COLEC12: variants seen among roughly 807,000 people sequenced by gnomAD.
COLEC12 encodes collectin subfamily member 12, also known as collectin-12.
In COLEC12, 33 loss-of-function variants were observed where a neutral mutation model predicts 71.1. The ratio of observed to expected loss-of-function variants is 0.46; its 90% CI spans 0.35 to 0.62. The LOEUF (loss-of-function observed/expected upper bound fraction) is 0.62. Among genes scored for constraint, COLEC12 ranks in the 20% least tolerant of loss-of-function variants. The pLI is 0.00. For synonymous variants in COLEC12, 350 were observed against 353.0 expected (o/e 0.99, Z 0.10); for missense variants, 765 against 916.1 (o/e 0.84, Z 2.13).
At chr18:414,033 C>A (rs1915941724) in intron 2 of COLEC12, among the ~76,000 whole-genome samples, 1 of 152,272 alleles carries the variant, frequency 6.6e-6, no homozygotes, top group South Asian at 2.1e-4. Flanking sequence ...TATGTGGAAT[C>A]TTTGTGATAA....
intron 1 of COLEC12, among the ~76,000 whole-genome samples, chr18:490,192 A>G (rs1043159339): frequency 2.0e-5 from 3 of 152,230 alleles, no homozygotes; most frequent in African/African-American, 7.2e-5. Flanking sequence ...CTGGAGAGAG[A>G]GAATCACTGG....
At chr18:454,404 G>A (rs374757297) in intron 2 of COLEC12, among the ~76,000 whole-genome samples, 4 of 152,276 alleles carry the variant, frequency 2.6e-5, no homozygotes, top group South Asian at 2.1e-4. Flanking sequence ...CTCATCAGCC[G>A]GGCATGGTGG....
At chr18:443,131 T>C (rs910612491) in intron 2 of COLEC12, among the ~76,000 whole-genome samples, 58 of 152,376 alleles carry the variant, frequency 3.8e-4, no homozygotes, top group African/African-American at 1.3e-3. Context: ...CGGAATTATA[T>C]GGTACATGAA....
chr18:426,771 T>C (rs757230327), intron 2 of COLEC12, among the ~76,000 whole-genome samples: 2 of 152,226 alleles, frequency 1.3e-5, no homozygotes, highest in Non-Finnish European at 2.9e-5. Flanking sequence ...CGTGCATTTA[T>C]TTCTTTCAAC....
chr18:379,042 A>C (rs1172189123), intron 2 of COLEC12, among the ~76,000 whole-genome samples: 2 of 152,148 alleles, frequency 1.3e-5, no homozygotes, highest in Non-Finnish European at 2.9e-5. Context: ...TCCCCAACGC[A>C]GGGTGCACTC....
intron 1 of COLEC12, among the ~76,000 whole-genome samples, chr18:488,029 T>G (rs907215483): frequency 1.3e-5 from 2 of 151,688 alleles, no homozygotes; most frequent in Non-Finnish European, 2.9e-5. Flanking sequence ...AATTAATACC[T>G]CAGAAAAAAA....
At chr18:450,635 T>C (rs540882362) in intron 2 of COLEC12, among the ~76,000 whole-genome samples, 24 of 152,328 alleles carry the variant, frequency 1.6e-4, no homozygotes, top group Middle Eastern at 3.4e-3. Context: ...TTCTTTATAG[T>C]AGTGCAAGAA....
chr18:394,229 G>C (rs932671951), intron 2 of COLEC12, among the ~76,000 whole-genome samples: 1 of 152,378 alleles, frequency 6.6e-6, no homozygotes, highest in Non-Finnish European at 1.5e-5. Context: ...CCATAGGACA[G>C]AGGACAGGAG....
At chr18:409,047 G>A (rs527494142) in intron 2 of COLEC12, among the ~76,000 whole-genome samples, 283 of 152,090 alleles carry the variant, frequency 1.9e-3, no homozygotes, top group African/African-American at 6.6e-3. Flanking sequence ...TGTTGGTCAA[G>A]CTGGTCTCAA....
At chr18:468,261 C>A (rs1263377850) in intron 2 of COLEC12, among the ~76,000 whole-genome samples, 716 of 125,284 alleles carry the variant, frequency 5.7e-3, no homozygotes, top group East Asian at 6.4e-3. Context: ...GACTCCGTCT[C>A]AAAAAAAAAA....
chr18:437,423 A>T (rs1916428256), intron 2 of COLEC12, among the ~76,000 whole-genome samples: 1 of 151,612 alleles, frequency 6.6e-6, no homozygotes, highest in Non-Finnish European at 1.5e-5. Context: ...CTGTCCCATG[A>T]CTCTCCACTT....
intron 5 of COLEC12, among the ~76,000 whole-genome samples, chr18:339,726 G>A (rs1242928793): frequency 6.6e-6 from 1 of 152,112 alleles, no homozygotes; most frequent in Non-Finnish European, 1.5e-5. Context: ...CAGATGCTGG[G>A]TTAGGTCAAA....
chr18:411,681 G>T (rs756937306), intron 2 of COLEC12, among the ~76,000 whole-genome samples: 33 of 152,328 alleles, frequency 2.2e-4, no homozygotes, highest in African/African-American at 7.9e-4. Flanking sequence ...AAGATGGGTG[G>T]ATCGCTTGAG....
Position 386,754 on chromosome 18 carries a change from C to G in COLEC12, c.59-29232G>C, listed in dbSNP as rs531846957. On this transcript the variant is annotated intron_variant, in intron 2 of 9. Coordinates refer to ENST00000400256, the MANE Select transcript of COLEC12 (RefSeq NM_130386.3). ...GAAGCTGAGAGCCTCAGTTTTCTCACTTACGGAAACTAAGTTGCTTATACT... is the reference window on the plus strand; with the variant it reads ...GAAGCTGAGAGCCTCAGTTTTCTCAGTTACGGAAACTAAGTTGCTTATACT... 9.8e-5 allele frequency among the ~76,000 whole-genome samples: 15 copies of G among 152,340 alleles called. 2 individuals carry two copies. The South Asian group carries it at 2.3e-3, about 23-fold the overall frequency.
At position 500,453 on chromosome 18, in the gene COLEC12, C is replaced by CG; in HGVS notation, c.7+54dup. 2 of 1,200,038 alleles carry CG rather than the reference C, an allele frequency of 1.7e-6. No individual in the cohort carries two copies. The highest frequency in any genetic ancestry group is 2.1e-6 in the Non-Finnish European group (2 of 962,578). The allele number at this position is 1,200,038 out of a possible 1,614,324, so 74.3% of individuals were successfully genotyped here. A position where few individuals can be genotyped will look rare whatever the true frequency, so the allele number is the denominator to read the frequency against. Reference sequence around the variant, plus strand: ...GGAGGCACCTCCGTGGCCTCCCGCGCGCCCCGAAGCCCGTTCCCCCCGCCC... The same window carrying CG: ...GGAGGCACCTCCGTGGCCTCCCGCGCGGCCCCGAAGCCCGTTCCCCCCGCCC... On this transcript the variant is annotated intron_variant, in intron 1 of 9. Transcript: ENST00000400256. This position sits in a 1 kb window ranked among gnomAD's most constrained non-coding sequence, Gnocchi z 5.3.
At chr18:402,009 A>C (rs890387754) in intron 2 of COLEC12, among the ~76,000 whole-genome samples, 1 of 152,228 alleles carries the variant, frequency 6.6e-6, no homozygotes, top group Non-Finnish European at 1.5e-5. Flanking sequence ...AACTCCTTCC[A>C]GGCTTGTGTG....
At chr18:409,254 T>C (rs1273446906) in intron 2 of COLEC12, among the ~76,000 whole-genome samples, 2 of 152,210 alleles carry the variant, frequency 1.3e-5, no homozygotes, top group Non-Finnish European at 2.9e-5. Flanking sequence ...AAGAAACGTC[T>C]CCTAGGCCGG....
At chr18:482,179 G>A (rs948698447) in intron 1 of COLEC12, among the ~76,000 whole-genome samples, 21 of 150,498 alleles carry the variant, frequency 1.4e-4, no homozygotes, top group Admixed American at 6.0e-4. Flanking sequence ...GCAGTGGCGC[G>A]ATCTCGGCTC....
At chr18:368,222 A>G (rs1169165774) in intron 2 of COLEC12, among the ~76,000 whole-genome samples, 1 of 152,224 alleles carries the variant, frequency 6.6e-6, no homozygotes, top group Non-Finnish European at 1.5e-5. Context: ...GTACACACAC[A>G]CACAAAGTGA....
Sources: allele counts gnomAD v4.1 joint callset (sites outside exome capture counted in the v4.1 genomes callset), GRCh38; gene constraint gnomAD v4.1.1; non-coding constraint Gnocchi (gnomAD v3.1); transcripts MANE v1.5; gene names NCBI Gene and HGNC (gene_info 2026-07-23, HGNC 2026-07-21).